The following SPATA9 variants were observed in gnomAD, a reference collection of about 807,000 sequenced individuals.
SPATA9 encodes the protein spermatogenesis-associated protein 9.
SPATA9 carries 27 observed loss-of-function variants against 25.5 expected under a neutral mutation model. The observed-to-expected ratio is 1.06, with a 90% CI of 0.78 to 1.46. SPATA9 has a LOEUF of 1.46. Among genes scored for constraint, SPATA9 ranks in the 40% most tolerant of loss-of-function variants. The pLI, the probability that SPATA9 is intolerant of heterozygous loss-of-function variation, is 0.00. For synonymous variants in SPATA9, 102 were observed against 105.7 expected, an observed-to-expected ratio of 0.97 and a Z score of 0.21; for missense variants, 282 against 297.5, an observed-to-expected ratio of 0.95 and a Z score of 0.38.
Position 95,693,132 on chromosome 5 carries a change from G to A in SPATA9, n.124+5456C>T, listed in dbSNP as rs563415642. Reference sequence around the variant, plus strand: ...CAATGTAGAGCTCAGGAATGCTCACGCACTGATAGCGAGAATGTAAACTGG... The same window carrying A: ...CAATGTAGAGCTCAGGAATGCTCACACACTGATAGCGAGAATGTAAACTGG... On this transcript the variant is annotated intron_variant and non_coding_transcript_variant, in intron 1 of 2. Coordinates refer to the SPATA9 transcript ENST00000379990. 4.8e-4 allele frequency among the ~76,000 whole-genome samples: 73 copies of A among 152,252 alleles called. 1 individual carries two copies. The highest frequency in any genetic ancestry group is 1.7e-3 in the African/African-American group (69 of 41,542).
At chr5:95,710,446 A>G in the SPATA9 span, among the ~76,000 whole-genome samples, 1 of 152,232 alleles carries the variant, frequency 6.6e-6, no homozygotes, top group African/African-American at 2.4e-5. Flanking sequence ...ATTTTGGCCC[A>G]GAGTTAACTT....
the SPATA9 span, among the ~76,000 whole-genome samples, chr5:95,724,969 A>G: frequency 6.6e-6 from 1 of 152,094 alleles, no homozygotes; most frequent in African/African-American, 2.4e-5. Flanking sequence ...GAGAGAATCA[A>G]TTGAGTCTAG....
chr5:95,714,106 C>G, the SPATA9 span, among the ~76,000 whole-genome samples: 1 of 151,948 alleles, frequency 6.6e-6, no homozygotes, highest in African/African-American at 2.4e-5. Context: ...AATATAAATT[C>G]CATACATGCT....
At chr5:95,691,145 G>T (rs571949332) in intron 1 of SPATA9, among the ~76,000 whole-genome samples, 6 of 151,956 alleles carry the variant, frequency 3.9e-5, no homozygotes, top group South Asian at 2.1e-4. Flanking sequence ...GAACCCGGGA[G>T]GGGGAGCTTG....
chr5:95,690,034 G>A (rs1420395578), intron 1 of SPATA9, among the ~76,000 whole-genome samples: 1 of 152,128 alleles, frequency 6.6e-6, no homozygotes, highest in Non-Finnish European at 1.5e-5. Flanking sequence ...GGGCTTTCTT[G>A]AGGGTGAAAG....
chr5:95,679,009 A>C (rs1317537631), intron 2 of SPATA9, among the ~76,000 whole-genome samples: 1 of 152,214 alleles, frequency 6.6e-6, no homozygotes, highest in Non-Finnish European at 1.5e-5. Flanking sequence ...AAATTACTTC[A>C]ATTAGTTGGA....
the SPATA9 span, among the ~76,000 whole-genome samples, chr5:95,725,199 T>C: frequency 1.3e-3 from 205 of 152,296 alleles, 1 homozygote; most frequent in Middle Eastern, 6.8e-3. Context: ...TATATTTTCA[T>C]TGGATGCTAT....
At chr5:95,694,236 T>C (rs1753957778) in intron 1 of SPATA9, among the ~76,000 whole-genome samples, 1 of 152,184 alleles carries the variant, frequency 6.6e-6, no homozygotes, top group Non-Finnish European at 1.5e-5. Flanking sequence ...TCATATATTG[T>C]TATGATCTTT....
the SPATA9 span, among the ~76,000 whole-genome samples, chr5:95,722,214 G>A: frequency 9.9e-3 from 1,501 of 152,288 alleles, 23 homozygotes; most frequent in African/African-American, 0.035. Context: ...CAAAGGGAGT[G>A]CAGGAGATGG....
rs1465820589 is a variant in SPATA9 at position 95,658,675 on chromosome 5, T to G, written c.713A>C (p.Gln238Pro). 2 of 1,613,590 alleles carry G rather than the reference T, an allele frequency of 1.2e-6. No individual in the cohort carries two copies. The highest frequency in any genetic ancestry group is 1.3e-5 in the African/African-American group (1 of 74,878). ...TTGGTCAAACACAGAATGTAAAACTTGGATGTTATTACTCTGCTTATTAGC... is the reference window on the plus strand; with the variant it reads ...TTGGTCAAACACAGAATGTAAAACTGGGATGTTATTACTCTGCTTATTAGC... ...LLANKQSNNIQVLHSVFDQSA... is the reference protein window; with the variant it reads ...LLANKQSNNIPVLHSVFDQSA... The change falls in exon 5 of 5, where the codon CAA becomes CCA. Residue 238 changes from glutamine (Q) to proline (P), a missense_variant. Coordinates refer to ENST00000274432, the MANE Select transcript of SPATA9 (RefSeq NM_031952.4).
At chr5:95,674,755 T>C (rs1444745135) in intron 3 of SPATA9, 2 of 456,592 alleles carry the variant, frequency 4.4e-6, no homozygotes, top group Non-Finnish European at 8.8e-6. Flanking sequence ...TCTTCTTTTT[T>C]GGTTTAACTC....
chr5:95,716,655 G>A, the SPATA9 span, among the ~76,000 whole-genome samples: 18 of 152,296 alleles, frequency 1.2e-4, no homozygotes, highest in African/African-American at 4.3e-4. Flanking sequence ...GAACTGTTGG[G>A]AAGGCATGAT....
chr5:95,682,507 A>T, intron 2 of SPATA9, 21 bp downstream of exon 2: 1 of 1,483,928 alleles, frequency 6.7e-7, no homozygotes. Flanking sequence ...ATTCCTTTTA[A>T]AGGTTATAAA....
the SPATA9 span, chr5:95,731,205 G>A: frequency 1.0e-6 from 1 of 1,003,026 alleles, no homozygotes; most frequent in South Asian, 4.2e-5. Context: ...GCCTCCGCGG[G>A]GAGCGCGTCC....
chr5:95,718,771 A>G, the SPATA9 span, among the ~76,000 whole-genome samples: 1 of 152,228 alleles, frequency 6.6e-6, no homozygotes, highest in East Asian at 1.9e-4. Flanking sequence ...AGAACAGACA[A>G]GAGATGCAGC....
At chr5:95,690,377 T>C (rs1033814360) in intron 1 of SPATA9, among the ~76,000 whole-genome samples, 1 of 152,162 alleles carries the variant, frequency 6.6e-6, no homozygotes, top group Non-Finnish European at 1.5e-5. Context: ...CATTTGTTAG[T>C]ACAATGAACC....
intron 2 of SPATA9, among the ~76,000 whole-genome samples, chr5:95,679,490 C>G (rs1249268384): frequency 6.6e-6 from 1 of 152,196 alleles, no homozygotes; most frequent in African/African-American, 2.4e-5. Context: ...AACTCTTAAG[C>G]CTTACCTCTC....
At chr5:95,711,586 G>A in the SPATA9 span, among the ~76,000 whole-genome samples, 1 of 152,208 alleles carries the variant, frequency 6.6e-6, no homozygotes, top group South Asian at 2.1e-4. Context: ...GCAATGGGTG[G>A]CGAGCCCACA....
chr5:95,675,350 AG>A (rs1752822495), intron 3 of SPATA9, 61 bp downstream of exon 3: 2 of 1,369,676 alleles, frequency 1.5e-6, no homozygotes, highest in African/African-American at 2.9e-5. Flanking sequence ...TTATTTTTCA[AG>A]TTTTGCAAAT....
Sources: allele counts gnomAD v4.1 joint callset (sites outside exome capture counted in the v4.1 genomes callset), GRCh38; gene constraint gnomAD v4.1.1; transcripts MANE v1.5; gene names NCBI Gene and HGNC (gene_info 2026-07-23, HGNC 2026-07-21).